FBXO42: variants seen among roughly 807,000 people sequenced by gnomAD.
The protein encoded by FBXO42 is F-box only protein 42.
FBXO42 carries 12 observed loss-of-function variants against 71.7 expected under a neutral mutation model. That is an observed-to-expected ratio of 0.17 (90% CI 0.11 to 0.27). FBXO42 has a LOEUF of 0.27. Ranked by LOEUF, FBXO42 falls within the 10% of genes least tolerant of loss-of-function variation. The pLI is 1.00. For synonymous variants in FBXO42, 325 were observed against 327.5 expected (o/e 0.99, Z 0.08); for missense variants, 707 against 911.9 (o/e 0.78, Z 2.89).
chr1:16,304,251 G>C (rs2082227168), intron 3 of FBXO42, among the ~76,000 whole-genome samples: 2 of 151,740 alleles, frequency 1.3e-5, no homozygotes, highest in Non-Finnish European at 2.9e-5. Context: ...CAAATAGCTG[G>C]GATTACTGGC....
chr1:16,322,601 TA>T (rs958197173), intron 1 of FBXO42, among the ~76,000 whole-genome samples: 4 of 147,972 alleles, frequency 2.7e-5, no homozygotes, highest in Non-Finnish European at 4.5e-5. Flanking sequence ...TTTTAAAAAC[TA>T]AAAAAAAAAC....
At chr1:16,315,038 G>T in intron 2 of FBXO42, 131 bp downstream of exon 2, 1 of 935,534 alleles carries the variant, frequency 1.1e-6, no homozygotes. Flanking sequence ...AAGAAAACCG[G>T]GTAGTATCGT....
intron 3 of FBXO42, among the ~76,000 whole-genome samples, chr1:16,305,281 G>A (rs574510774): frequency 3.9e-5 from 6 of 151,998 alleles, no homozygotes; most frequent in Non-Finnish European, 7.4e-5. Flanking sequence ...CCAGCTACTC[G>A]GGAGGCTGAG....
intron 1 of FBXO42, among the ~76,000 whole-genome samples, chr1:16,323,921 C>T (rs1263241918): frequency 6.6e-6 from 1 of 151,858 alleles, no homozygotes; most frequent in Non-Finnish European, 1.5e-5. Context: ...GCTTCTGAGG[C>T]TTTAGGGACA....
Position 16,251,363 on chromosome 1 carries a change from T to A in FBXO42, c.1461A>T (p.Gly487=). 6.2e-7 allele frequency: 1 copy of A among 1,614,172 alleles called. No homozygotes were observed. The highest frequency in any genetic ancestry group is 1.3e-5 in the African/African-American group (1 of 75,046). ...KIGLSLAPRR[G]SLPDQKDLRL... ...TCAGATCTTTCTGATCTGGTAGTGA[T>A]CCTCGTCGGGGGGCCAAAGAAAGTC... Residue 487 remains glycine (G), a synonymous_variant, in exon 10 of 10, where the codon GGA becomes GGT. Transcript: ENST00000375592. The surrounding 1 kb of genome is among the most constrained non-coding windows in gnomAD (Gnocchi z 4.5).
At chr1:16,278,031 C>T (rs980481609) in intron 4 of FBXO42, among the ~76,000 whole-genome samples, 1 of 149,406 alleles carries the variant, frequency 6.7e-6, no homozygotes, top group Non-Finnish European at 1.5e-5. Flanking sequence ...GATGGAGTGA[C>T]ACCCTGTATC....
At chr1:16,317,933 A>G (rs1031771837) in intron 1 of FBXO42, among the ~76,000 whole-genome samples, 14 of 152,000 alleles carry the variant, frequency 9.2e-5, no homozygotes, top group South Asian at 2.1e-4. Flanking sequence ...AAAAAAAAAA[A>G]AAGAAGAAGA....
chr1:16,271,158 C>T (rs1474066400), intron 4 of FBXO42, among the ~76,000 whole-genome samples: 3 of 151,858 alleles, frequency 2.0e-5, no homozygotes, highest in Non-Finnish European at 4.4e-5. Context: ...GACAGGAATG[C>T]AGCAGGCAAT....
chr1:16,351,211 T>C (rs2082699903), intron 1 of FBXO42, among the ~76,000 whole-genome samples: 2 of 152,156 alleles, frequency 1.3e-5, no homozygotes, highest in South Asian at 2.1e-4. Context: ...ATAGCACAAG[T>C]TCAGTGAAGC....
intron 2 of FBXO42, among the ~76,000 whole-genome samples, chr1:16,308,745 T>G (rs1257770805): frequency 1.4e-5 from 2 of 141,162 alleles, no homozygotes; most frequent in Non-Finnish European, 3.1e-5. Flanking sequence ...TCTCTGTTTT[T>G]TTTTTTTTTT....
intron 1 of FBXO42, among the ~76,000 whole-genome samples, chr1:16,334,230 G>C (rs1033899811): frequency 6.6e-6 from 1 of 151,918 alleles, no homozygotes; most frequent in Non-Finnish European, 1.5e-5. Context: ...TCAGGAGATC[G>C]AGACCATCCT....
chr1:16,316,546 G>C (rs1253490893), intron 1 of FBXO42, among the ~76,000 whole-genome samples: 1 of 151,460 alleles, frequency 6.6e-6, no homozygotes, highest in African/African-American at 2.4e-5. Flanking sequence ...GACCAGCGTG[G>C]GCAACATGGC....
chr1:16,269,721 C>T (rs1238145600), intron 4 of FBXO42, among the ~76,000 whole-genome samples: 1 of 150,050 alleles, frequency 6.7e-6, no homozygotes, highest in Non-Finnish European at 1.5e-5. Flanking sequence ...GACGGGGTTT[C>T]TCCATGTTGG....
chr1:16,250,978 G>C lies in FBXO42; in HGVS notation c.1846C>G (p.Pro616Ala). Residue 616 changes from proline (P) to alanine (A), a missense_variant, in exon 10 of 10, where the codon CCC becomes GCC. Pro to Ala is a conservative substitution (Grantham distance 27). This residue lies in a region of FBXO42 where 482 missense variants were observed against 587.1 expected (regional missense o/e 0.82). Coordinates refer to ENST00000375592, the MANE Select transcript of FBXO42 (RefSeq NM_018994.3). This position sits in a 1 kb window ranked among gnomAD's most constrained non-coding sequence, Gnocchi z 4.7. ...TGGTGGCCCAGGCGGCGAGCAATGG[G>C]AGGTAAGGAATGTCCATCTCCTTGG... ...PAQGDGHSLPPIARRLGHHPP... is the reference protein window; with the variant it reads ...PAQGDGHSLPAIARRLGHHPP... The C allele has an allele frequency of 6.2e-7, 1 of 1,614,222 alleles. No homozygotes were observed. Among genetic ancestry groups the C allele is most frequent in the Middle Eastern group, 1.6e-4 (1 of 6,062 alleles).
intron 4 of FBXO42, among the ~76,000 whole-genome samples, chr1:16,289,269 G>A (rs903482118): frequency 6.6e-6 from 1 of 151,912 alleles, no homozygotes; most frequent in Non-Finnish European, 1.5e-5. Context: ...CCCGATGTGG[G>A]GGTGCAAACC....
Position 16,252,484 on chromosome 1 carries a change from A to C in FBXO42, c.922-80T>G. ...CACACACACAGAGTTGCAGTCTCAA[A>C]GCTCTCCTGTCTGGTCTTGAAAGGA... On this transcript the variant is annotated intron_variant, in intron 8 of 9. Coordinates refer to ENST00000375592, the MANE Select transcript of FBXO42 (RefSeq NM_018994.3). The surrounding 1 kb of genome is among the most constrained non-coding windows in gnomAD (Gnocchi z 4.4). 3 of 1,108,620 alleles carry C rather than the reference A, an allele frequency of 2.7e-6. No homozygotes were observed. Among genetic ancestry groups the C allele is most frequent in the Non-Finnish European group, 4.1e-6 (3 of 731,836 alleles). 68.7% of individuals were successfully genotyped at this position (1,108,620 alleles called of 1,614,324 possible). A position where few individuals can be genotyped will look rare whatever the true frequency, so the allele number is the denominator to read the frequency against.
At chr1:16,319,976 TG>T (rs1250680580) in intron 1 of FBXO42, among the ~76,000 whole-genome samples, 2 of 149,300 alleles carry the variant, frequency 1.3e-5, no homozygotes, top group African/African-American at 4.9e-5. Flanking sequence ...CATGCTCACG[TG>T]GGTAAGGTGT....
chr1:16,315,419 G>A lies in FBXO42; in HGVS notation c.-1C>T. ...CTTCACTGTCCGAGGAGCTGGCCAT[G>A]ACATTCCACTCAACAGCTGTAATAG... On this transcript the variant is annotated 5_prime_UTR_variant, in exon 2 of 10. Transcript: ENST00000375592. 1 of 1,613,714 alleles carries A rather than the reference G, an allele frequency of 6.2e-7. No individual in the cohort carries two copies. The highest frequency in any genetic ancestry group is 1.3e-5 in the African/African-American group (1 of 75,018).
At chr1:16,294,736 AG>A (rs1439345127) in intron 4 of FBXO42, 46 bp downstream of exon 4, 1 of 1,597,548 alleles carries the variant, frequency 6.3e-7, no homozygotes, top group Non-Finnish European at 8.5e-7. Context: ...TTCCATGCCA[AG>A]GGAGTCACCT....
Sources: gnomAD v4.1 joint callset for allele counts (sites outside exome capture counted in the v4.1 genomes callset) on GRCh38, gnomAD v4.1.1 for gene constraint, gnomAD v4.1.1 regional missense constraint, Gnocchi (gnomAD v3.1) non-coding constraint, MANE v1.5 for transcripts, NCBI Gene and HGNC (gene_info 2026-07-23, HGNC 2026-07-21) for gene names.